The following RBPJ variants were observed in gnomAD, a reference collection of about 807,000 sequenced individuals.
RBPJ encodes the protein recombination signal binding protein for immunoglobulin kappa J region.
In RBPJ, 9 loss-of-function variants were observed where a neutral mutation model predicts 67.8. The ratio of observed to expected loss-of-function variants is 0.13; its 90% CI spans 0.08 to 0.23. The LOEUF (loss-of-function observed/expected upper bound fraction) is 0.23, where lower values mean the gene tolerates loss of function less well. RBPJ is among the 10% of genes least tolerant of loss of function. RBPJ has a pLI of 1.00. For synonymous variants in RBPJ, 198 were observed against 203.3 expected (o/e 0.97, Z 0.22); for missense variants, 305 against 595.6 (o/e 0.51, Z 5.08).
At chr4:26,171,351 A>G (rs562996492) in intron 1 of RBPJ, among the ~76,000 whole-genome samples, 2 of 152,274 alleles carry the variant, frequency 1.3e-5, no homozygotes, top group African/African-American at 4.8e-5. Context: ...GTATCACTGT[A>G]ATGAGAATAT....
chr4:26,131,626 A>G, the RBPJ span, among the ~76,000 whole-genome samples: 51 of 152,240 alleles, frequency 3.3e-4, no homozygotes, highest in Admixed American at 3.2e-3. Flanking sequence ...GGACAATGAG[A>G]TGGATAGATT....
chr4:26,320,622 C>T (rs1215553019), upstream of RBPJ: 18 of 1,059,592 alleles, frequency 1.7e-5, no homozygotes, highest in South Asian at 1.7e-5. Flanking sequence ...CCCAGGACCC[C>T]TCCTCCCTTC....
intron 1 of RBPJ, among the ~76,000 whole-genome samples, chr4:26,167,624 A>G (rs1426289084): frequency 5.0e-5 from 7 of 138,642 alleles, no homozygotes; most frequent in South Asian, 5.4e-4. Flanking sequence ...GGGCTGAGAC[A>G]ATGGGGTTTT....
At chr4:26,339,213 C>G (rs745952188) in intron 1 of RBPJ, among the ~76,000 whole-genome samples, 3 of 152,104 alleles carry the variant, frequency 2.0e-5, no homozygotes, top group Non-Finnish European at 4.4e-5. Context: ...CCCAGGAGGT[C>G]TCTAGTTGCG....
intron 1 of RBPJ, among the ~76,000 whole-genome samples, chr4:26,280,640 G>C (rs1721245590): frequency 6.6e-6 from 1 of 152,166 alleles, no homozygotes; most frequent in Non-Finnish European, 1.5e-5. Context: ...AAATAGACAA[G>C]AGTGATGGTT....
chr4:26,124,423 TA>T, the RBPJ span, among the ~76,000 whole-genome samples: 1 of 31,280 alleles, frequency 3.2e-5, no homozygotes, highest in African/African-American at 1.0e-4. Flanking sequence ...ATCATATATA[TA>T]TATATATATA....
At chr4:26,345,142 C>T (rs1444996505) in intron 1 of RBPJ, among the ~76,000 whole-genome samples, 2 of 152,086 alleles carry the variant, frequency 1.3e-5, no homozygotes, top group Non-Finnish European at 2.9e-5. Flanking sequence ...TTCATAGTCA[C>T]TTTATAAGAG....
intron 1 of RBPJ, among the ~76,000 whole-genome samples, chr4:26,335,617 CTTTTTT>C (rs34386877): frequency 9.3e-6 from 1 of 107,840 alleles, no homozygotes; most frequent in Non-Finnish European, 1.9e-5. Context: ...ATGCTTACTT[CTTTTTT>C]TTTTTTTTTT....
At chr4:26,166,392 T>G (rs28866044) in intron 1 of RBPJ, among the ~76,000 whole-genome samples, 37,867 of 129,880 alleles carry the variant, frequency 0.29, 2,630 homozygotes, top group East Asian at 0.41. Flanking sequence ...GTTTCCTGAC[T>G]TTTTAATGAT....
intron 1 of RBPJ, among the ~76,000 whole-genome samples, chr4:26,268,638 A>T (rs376955636): frequency 2.6e-4 from 40 of 151,882 alleles, no homozygotes; most frequent in Admixed American, 7.2e-4. Flanking sequence ...TCTCAGCATC[A>T]TTGTCAAACA....
chr4:26,294,962 G>A (rs1326900197), intron 1 of RBPJ, among the ~76,000 whole-genome samples: 4 of 152,122 alleles, frequency 2.6e-5, no homozygotes, highest in Non-Finnish European at 5.9e-5. Context: ...GGCTGATGAC[G>A]GAAAGAGGAA....
intron 1 of RBPJ, 129 bp from the exon 2 acceptor site, chr4:26,386,224 C>A: frequency 1.6e-6 from 1 of 636,670 alleles, no homozygotes; most frequent in South Asian, 2.1e-5. Flanking sequence ...CAGAGGATTT[C>A]TGTCTTCATG....
intron 1 of RBPJ, among the ~76,000 whole-genome samples, chr4:26,366,277 T>TG (rs557247741): frequency 6.6e-6 from 1 of 152,024 alleles, no homozygotes; most frequent in African/African-American, 2.4e-5. Context: ...CAGTAGTTTT[T>TG]TTTTGTTTTG....
intron 7 of RBPJ, among the ~76,000 whole-genome samples, chr4:26,425,172 T>C (rs1281551305): frequency 2.0e-5 from 3 of 152,204 alleles, no homozygotes; most frequent in African/African-American, 4.8e-5. Context: ...TTTTGAAATA[T>C]AAGCGTAATT....
At chr4:26,241,086 A>C (rs1481835473) in intron 1 of RBPJ, among the ~76,000 whole-genome samples, 1 of 152,046 alleles carries the variant, frequency 6.6e-6, no homozygotes, top group East Asian at 1.9e-4. Context: ...GGTCCCAGCT[A>C]CCAGGGAGGC....
rs187033722 is a variant in RBPJ at position 26,272,610 on chromosome 4, A to G, written c.-166-89836A>G. ...AAAATAAATAAAAAATAAATAAAAA[A>G]CAAAACTACAGATTTGGTTGCAGAT... On this transcript the variant is annotated intron_variant, in intron 1 of 4. Transcript: ENST00000512351. 8 of 420,078 alleles carry G rather than the reference A, an allele frequency of 1.9e-5. No individual in the cohort carries two copies. In the East Asian group the frequency reaches 4.3e-4, roughly 23 times the overall value. The allele number at this position is 420,078 out of a possible 1,614,324, so 26.0% of individuals were successfully genotyped here.
At position 26,430,016 on chromosome 4, in the gene RBPJ, C is replaced by A; in HGVS notation, c.1007C>A (p.Ala336Asp). ...TATGAGGGAATGGGCCCTGTCCTTGCCCCAGTCACTCCTGTGCCTGTGGTA... is the reference window on the plus strand; with the variant it reads ...TATGAGGGAATGGGCCCTGTCCTTGACCCAGTCACTCCTGTGCCTGTGGTA... ...TFYEGMGPVL[A>D]PVTPVPVVES... The change falls in exon 9 of 11, where the codon GCC becomes GAC. Residue 336 changes from alanine to aspartate, a missense_variant. By Grantham distance (126) the Ala-to-Asp change is moderately radical. Transcript: ENST00000355476. This position sits in a 1 kb window ranked among gnomAD's most constrained non-coding sequence, Gnocchi z 4.1. 6.2e-7 allele frequency: 1 copy of A among 1,614,052 alleles called. No individual in the cohort carries two copies. Among genetic ancestry groups the A allele is most frequent in the Non-Finnish European group, 8.5e-7 (1 of 1,179,968 alleles).
chr4:26,332,546 A>T (rs1724367522), intron 1 of RBPJ, among the ~76,000 whole-genome samples: 2 of 152,208 alleles, frequency 1.3e-5, no homozygotes, highest in East Asian at 3.8e-4. Flanking sequence ...CCATCTTGAT[A>T]TGGAAATTTT....
chr4:26,234,395 G>A (rs112804884), intron 1 of RBPJ, among the ~76,000 whole-genome samples: 212 of 152,260 alleles, frequency 1.4e-3, no homozygotes, highest in African/African-American at 4.9e-3. Context: ...CAATTTAATA[G>A]GGGATGGAGA....
Sources: gnomAD v4.1 joint callset for allele counts (sites outside exome capture counted in the v4.1 genomes callset) on GRCh38, gnomAD v4.1.1 for gene constraint, Gnocchi (gnomAD v3.1) non-coding constraint, MANE v1.5 for transcripts, NCBI Gene and HGNC (gene_info 2026-07-23, HGNC 2026-07-21) for gene names.